DCAF5: variants seen among roughly 807,000 people sequenced by gnomAD.
DCAF5 encodes DDB1 and CUL4 associated factor 5.
In DCAF5, 9 loss-of-function variants were observed where a neutral mutation model predicts 80.7. That is an observed-to-expected ratio of 0.11 (90% CI 0.07 to 0.19). DCAF5 has a LOEUF of 0.19. DCAF5 is among the 10% of genes least tolerant of loss of function. DCAF5 has a pLI of 1.00. For synonymous variants in DCAF5, 433 were observed against 461.9 expected (o/e 0.94, Z 0.80); for missense variants, 842 against 1,205.7 (o/e 0.70, Z 4.47).
chr14:69,058,876 C>CA (rs541099480), intron 8 of DCAF5, among the ~76,000 whole-genome samples: 2,463 of 54,294 alleles, frequency 0.045, 52 homozygotes, highest in South Asian at 0.13. Context: ...GATCCTGTCT[C>CA]AAAAAAAAAA....
chr14:69,095,941 C>T (rs576963734), intron 5 of DCAF5, among the ~76,000 whole-genome samples: 21 of 152,192 alleles, frequency 1.4e-4, no homozygotes, highest in African/African-American at 4.3e-4. Context: ...GAGCTGGTGT[C>T]GTATCCCAAG....
chr14:69,151,946 A>G (rs1566797517), intron 1 of DCAF5, among the ~76,000 whole-genome samples: 2 of 152,162 alleles, frequency 1.3e-5, no homozygotes, highest in Non-Finnish European at 2.9e-5. Flanking sequence ...AGGGAGGAGA[A>G]GCAGAGACCA....
At chr14:69,094,511 A>G (rs902818249) in intron 5 of DCAF5, among the ~76,000 whole-genome samples, 2 of 152,240 alleles carry the variant, frequency 1.3e-5, no homozygotes, top group Non-Finnish European at 2.9e-5. Context: ...TTTAAAGAGC[A>G]GCAGCCACCA....
chr14:69,062,573 G>A, intron 7 of DCAF5, 62 bp from the exon 8 acceptor site: 2 of 1,588,022 alleles, frequency 1.3e-6, no homozygotes, highest in Non-Finnish European at 8.6e-7. Context: ...ATAGGTTCCA[G>A]TAATGGCAGA....
intron 8 of DCAF5, among the ~76,000 whole-genome samples, chr14:69,061,769 A>G (rs2038224396): frequency 6.6e-6 from 1 of 152,208 alleles, no homozygotes; most frequent in Non-Finnish European, 1.5e-5. Flanking sequence ...AATACATTAT[A>G]CTCAAGGCCA....
intron 5 of DCAF5, among the ~76,000 whole-genome samples, chr14:69,097,197 T>G (rs1208754404): frequency 6.6e-6 from 1 of 152,154 alleles, no homozygotes; most frequent in Non-Finnish European, 1.5e-5. Flanking sequence ...AAAAGAACTC[T>G]TATGCAAACA....
intron 5 of DCAF5, among the ~76,000 whole-genome samples, chr14:69,098,453 T>C (rs759476898): frequency 2.2e-4 from 33 of 152,168 alleles, no homozygotes; most frequent in Non-Finnish European, 4.4e-4. Context: ...GTTTCCTATT[T>C]GTCTTTTCCC....
Position 69,052,018 on chromosome 14 carries a change from T to C in DCAF5, c.*1839A>G, listed in dbSNP as rs896604206. On this transcript the variant is annotated 3_prime_UTR_variant, in exon 9 of 9. Coordinates refer to ENST00000341516, the MANE Select transcript of DCAF5 (RefSeq NM_003861.3). ...GATTACAAATCCAAAGTAATTCTAATGTTGGTTACAGAATCACTTTCCCAC... is the reference window on the plus strand; with the variant it reads ...GATTACAAATCCAAAGTAATTCTAACGTTGGTTACAGAATCACTTTCCCAC... 6.6e-6 allele frequency: 1 copy of C among 152,582 alleles called. No individual in the cohort carries two copies. Among genetic ancestry groups the C allele is most frequent in the Non-Finnish European group, 1.5e-5 (1 of 68,038 alleles). The allele number at this position is 152,582 out of a possible 1,614,324, so 9.5% of individuals were successfully genotyped here. A position where few individuals can be genotyped will look rare whatever the true frequency, so the allele number is the denominator to read the frequency against.
At chr14:69,139,837 A>G (rs1044707220) in intron 1 of DCAF5, among the ~76,000 whole-genome samples, 6 of 151,242 alleles carry the variant, frequency 4.0e-5, no homozygotes, top group African/African-American at 1.2e-4. Context: ...AAAAAAAAAA[A>G]AAAGAAAGAA....
chr14:69,103,550 T>G (rs2040036469), intron 5 of DCAF5, among the ~76,000 whole-genome samples: 1 of 152,234 alleles, frequency 6.6e-6, no homozygotes, highest in Admixed American at 6.5e-5. Context: ...TAGTACAATA[T>G]CACAACCAGG....
intron 5 of DCAF5, among the ~76,000 whole-genome samples, chr14:69,104,220 T>A (rs2040055919): frequency 6.6e-6 from 1 of 152,182 alleles, no homozygotes; most frequent in African/African-American, 2.4e-5. Flanking sequence ...CAGCAATATG[T>A]GAGTGACTGA....
At chr14:69,072,426 A>G (rs57723249) in intron 7 of DCAF5, among the ~76,000 whole-genome samples, 9,524 of 152,024 alleles carry the variant, frequency 0.063, 1,000 homozygotes, top group African/African-American at 0.22. Flanking sequence ...ACAGAAAGAA[A>G]AAGAGAAGAT....
At chr14:69,062,795 T>G (rs2038269393) in intron 7 of DCAF5, among the ~76,000 whole-genome samples, 1 of 152,166 alleles carries the variant, frequency 6.6e-6, no homozygotes, top group Non-Finnish European at 1.5e-5. Flanking sequence ...AAAACATTTC[T>G]CAAATTTTTG....
intron 7 of DCAF5, among the ~76,000 whole-genome samples, chr14:69,069,003 G>A (rs907618147): frequency 6.6e-6 from 1 of 152,198 alleles, no homozygotes; most frequent in Non-Finnish European, 1.5e-5. Context: ...AAAAAAGTCA[G>A]TTATGCTGAG....
chr14:69,060,066 A>T (rs554350373), intron 8 of DCAF5, among the ~76,000 whole-genome samples: 10 of 152,220 alleles, frequency 6.6e-5, no homozygotes, highest in Middle Eastern at 3.4e-3. Flanking sequence ...TAAAGGAGAT[A>T]CCCAAGCAGA....
chr14:69,124,879 TA>T (rs2040829466), intron 1 of DCAF5, among the ~76,000 whole-genome samples: 1 of 152,190 alleles, frequency 6.6e-6, no homozygotes, highest in South Asian at 2.1e-4. Context: ...TTTAATTAGA[TA>T]AGTATTTCTC....
chr14:69,128,194 T>TTC (rs1491176143), intron 1 of DCAF5, among the ~76,000 whole-genome samples: 24 of 112,258 alleles, frequency 2.1e-4, no homozygotes, highest in African/African-American at 1.0e-3. Flanking sequence ...TTTCTTCTTC[T>TTC]TTTTTTTTTT....
intron 6 of DCAF5, among the ~76,000 whole-genome samples, chr14:69,087,584 A>C (rs1217940289): frequency 6.6e-6 from 1 of 152,240 alleles, no homozygotes; most frequent in African/African-American, 2.4e-5. Context: ...TCAAACTTGA[A>C]TAATTATAAT....
intron 1 of DCAF5, among the ~76,000 whole-genome samples, chr14:69,129,582 A>T (rs770400188): frequency 8.5e-5 from 13 of 152,244 alleles, no homozygotes; most frequent in Non-Finnish European, 1.2e-4. Flanking sequence ...CAGTTCAGAA[A>T]GGCAGAGATT....
Sources: allele counts gnomAD v4.1 joint callset (sites outside exome capture counted in the v4.1 genomes callset), GRCh38; gene constraint gnomAD v4.1.1; transcripts MANE v1.5; gene names NCBI Gene and HGNC (gene_info 2026-07-23, HGNC 2026-07-21).